The following CCDC148 variants were observed in gnomAD, a reference collection of about 807,000 sequenced individuals.
CCDC148 encodes the protein coiled-coil domain containing 148.
In CCDC148, 89 loss-of-function variants were observed where a neutral mutation model predicts 85.7. The ratio of observed to expected loss-of-function variants is 1.04; its 90% confidence interval spans 0.87 to 1.24. The LOEUF is 1.24. Among genes scored for constraint, CCDC148 ranks in the 50% most tolerant of loss-of-function variants. CCDC148 has a pLI of 0.00. For missense variants in CCDC148, 692 were observed against 671.7 expected, an observed-to-expected ratio of 1.03 and a Z score of -0.33; for synonymous variants, 230 against 213.9, an observed-to-expected ratio of 1.08 and a Z score of -0.66.
In CCDC148 at chr2:158,327,898, G is replaced by C. The variant is rs149987244; in HGVS notation, c.764+10828C>G. Among the ~76,000 whole-genome samples the C allele has an allele frequency of 1.9e-3, 284 of 151,940 alleles. 4 individuals are homozygous for C. The highest frequency in any genetic ancestry group is 0.016 in the Admixed American group (249 of 15,258). ...TCCCAAATATTCTATATTTAGAATT[G>C]CTATTGCAAACTCTGTTTCTTTCTT... On this transcript the variant is annotated intron_variant, in intron 7 of 13. Coordinates refer to ENST00000283233, the MANE Select transcript of CCDC148 (RefSeq NM_138803.4).
chr2:158,224,247 G>A (rs1354401326), intron 10 of CCDC148, among the ~76,000 whole-genome samples: 3 of 152,308 alleles, frequency 2.0e-5, no homozygotes, highest in Middle Eastern at 3.4e-3. Context: ...AATGAAGCGA[G>A]AAGAGAAGTT....
At chr2:158,456,345 T>G (rs917674200) in intron 1 of CCDC148, 70 bp downstream of exon 1, 26 of 1,513,988 alleles carry the variant, frequency 1.7e-5, no homozygotes, top group Non-Finnish European at 2.3e-5. Flanking sequence ...AGAACAAACA[T>G]AAGTAGGATT....
chr2:158,213,181 C>T (rs896103033), intron 11 of CCDC148, among the ~76,000 whole-genome samples: 2 of 152,160 alleles, frequency 1.3e-5, no homozygotes, highest in African/African-American at 4.8e-5. Context: ...TGAGCATTGA[C>T]TGATAAAGTT....
At chr2:158,238,223 G>A (rs1326724004) in intron 10 of CCDC148, among the ~76,000 whole-genome samples, 1 of 152,056 alleles carries the variant, frequency 6.6e-6, no homozygotes, top group Non-Finnish European at 1.5e-5. Flanking sequence ...AGAAAAAGGG[G>A]GATGGTGGTG....
chr2:158,354,316 T>C (rs900048937), intron 2 of CCDC148, among the ~76,000 whole-genome samples: 21 of 151,652 alleles, frequency 1.4e-4, no homozygotes, highest in Admixed American at 2.6e-4. Flanking sequence ...ATCAACAAAA[T>C]TGATAGACCG....
chr2:158,260,603 T>C (rs1460317278), intron 9 of CCDC148, among the ~76,000 whole-genome samples: 1 of 152,024 alleles, frequency 6.6e-6, no homozygotes, highest in East Asian at 1.9e-4. Flanking sequence ...GATAATTCCA[T>C]ATCTATAAAA....
intron 9 of CCDC148, among the ~76,000 whole-genome samples, chr2:158,293,366 T>A (rs758128618): frequency 5.9e-5 from 9 of 152,220 alleles, no homozygotes; most frequent in Non-Finnish European, 1.3e-4. Context: ...ATGATATTGC[T>A]GATATTATGC....
chr2:158,247,444 G>A (rs79567151), intron 10 of CCDC148, among the ~76,000 whole-genome samples: 2,684 of 152,162 alleles, frequency 0.018, 25 homozygotes, highest in South Asian at 0.028. Context: ...CTGAACACAC[G>A]CATCAGTACA....
At chr2:158,429,360 A>AAGAG (rs1553521113) in intron 1 of CCDC148, among the ~76,000 whole-genome samples, 2,889 of 149,730 alleles carry the variant, frequency 0.019, 35 homozygotes, top group East Asian at 0.045. Context: ...AAAGAGCATG[A>AAGAG]ATAGATAGAT....
At chr2:158,225,448 A>C (rs1687454539) in intron 10 of CCDC148, among the ~76,000 whole-genome samples, 1 of 152,160 alleles carries the variant, frequency 6.6e-6, no homozygotes, top group African/African-American at 2.4e-5. Context: ...CTCTGCACCA[A>C]GCAGAACTAA....
chr2:158,388,655 C>A (rs752947585), intron 1 of CCDC148, among the ~76,000 whole-genome samples: 4 of 151,944 alleles, frequency 2.6e-5, no homozygotes, highest in Admixed American at 6.6e-5. Context: ...CCACAATGCT[C>A]GGATAATTTT....
intron 1 of CCDC148, among the ~76,000 whole-genome samples, chr2:158,437,393 T>C (rs1687710513): frequency 6.6e-6 from 1 of 152,158 alleles, no homozygotes; most frequent in Non-Finnish European, 1.5e-5. Flanking sequence ...ATTATCTCAG[T>C]AGATGCAGAA....
intron 9 of CCDC148, among the ~76,000 whole-genome samples, chr2:158,255,519 T>C (rs372615558): frequency 1.3e-5 from 2 of 151,692 alleles, no homozygotes; most frequent in East Asian, 1.9e-4. Flanking sequence ...ATGGCTTCCA[T>C]GTGGAGAGAA....
intron 9 of CCDC148, among the ~76,000 whole-genome samples, chr2:158,278,521 T>C (rs1156470860): frequency 1.3e-5 from 2 of 152,206 alleles, no homozygotes; most frequent in African/African-American, 4.8e-5. Context: ...GTCTCACGGA[T>C]TGCTAGCACA....
chr2:158,389,964 T>A (rs1685239176), intron 1 of CCDC148, among the ~76,000 whole-genome samples: 1 of 152,174 alleles, frequency 6.6e-6, no homozygotes, highest in Non-Finnish European at 1.5e-5. Flanking sequence ...CATGCTTCAA[T>A]ATGTATGTAC....
At chr2:158,392,574 C>G (rs1326128347) in intron 1 of CCDC148, among the ~76,000 whole-genome samples, 1 of 151,698 alleles carries the variant, frequency 6.6e-6, no homozygotes, top group African/African-American at 2.4e-5. Context: ...ATCCAGAACA[C>G]TTCTGGTCCC....
chr2:158,417,264 A>ATTCCCT (rs1686542479), intron 1 of CCDC148, among the ~76,000 whole-genome samples: 1 of 152,242 alleles, frequency 6.6e-6, no homozygotes, highest in Non-Finnish European at 1.5e-5. Context: ...TGTAAATGTA[A>ATTCCCT]CAACAGCCAC....
At chr2:158,351,082 A>C (rs973136777) in intron 2 of CCDC148, among the ~76,000 whole-genome samples, 2 of 152,150 alleles carry the variant, frequency 1.3e-5, no homozygotes, top group African/African-American at 4.8e-5. Flanking sequence ...CACTCAGTGA[A>C]GATCAAATCC....
chr2:158,247,239 AT>A (rs1278623958), intron 10 of CCDC148, among the ~76,000 whole-genome samples: 1 of 152,204 alleles, frequency 6.6e-6, no homozygotes, highest in Non-Finnish European at 1.5e-5. Flanking sequence ...AACATGAAAG[AT>A]TTTCAACCTC....
Sources: allele counts gnomAD v4.1 joint callset (sites outside exome capture counted in the v4.1 genomes callset), GRCh38; gene constraint gnomAD v4.1.1; transcripts MANE v1.5; gene names NCBI Gene and HGNC (gene_info 2026-07-23, HGNC 2026-07-21).